Variants in MYO1A observed in about 807,000 individuals in gnomAD.
MYO1A encodes the protein myosin IA.
A neutral mutation model predicts 138.5 loss-of-function variants in MYO1A; 127 were observed. The observed-to-expected ratio is 0.92, with a 90% CI of 0.79 to 1.06. The LOEUF (loss-of-function observed/expected upper bound fraction) is 1.06. Among genes scored for constraint, MYO1A ranks in the 50% least tolerant of loss-of-function variants. The probability of loss-of-function intolerance (pLI) is 0.00; values close to 1 mark genes in which losing one functional copy is unlikely to be tolerated. For missense variants in MYO1A, 1,211 were observed against 1,288.8 expected (o/e 0.94, Z 0.92); for synonymous variants, 477 against 497.5 (o/e 0.96, Z 0.55).
At chr12:57,036,609 C>T (rs752616466) in intron 21 of MYO1A, among the ~76,000 whole-genome samples, 163 bp downstream of exon 21, 19 of 152,110 alleles carry the variant, frequency 1.2e-4, no homozygotes, top group Non-Finnish European at 2.2e-4. Context: ...ACAGGTCTCC[C>T]CTACAGGCCT....
chr12:57,037,892 C>T lies in MYO1A; in HGVS notation c.1938G>A (p.Trp646Ter), dbSNP rs538062645. The T allele has an allele frequency of 1.9e-6, 3 of 1,614,186 alleles. No homozygotes were observed. The Admixed American group carries it at 5.0e-5, about 27-fold the overall frequency. The change falls in exon 18 of 28, where the codon TGG (tryptophan) becomes TGA (stop). Residue 646 changes from tryptophan (W) to a stop codon, truncating the protein, a stop_gained. Coordinates refer to ENST00000300119, the MANE Select transcript of MYO1A (RefSeq NM_005379.4). LOFTEE classifies it high-confidence loss of function. ...ACCGGTCTCCCCCATTCCAGTGAGG[C>T]CAGGTGCTCCGGCTCAGCAATCGGT... ...ERYRLLSRSTWPHWNGGDREG... is the reference protein window; with the variant it reads ...ERYRLLSRST
chr12:57,037,843 T>A, intron 18 of MYO1A, 26 bp downstream of exon 18: 1 of 1,612,510 alleles, frequency 6.2e-7, no homozygotes. Flanking sequence ...CCTTTCCTGA[T>A]GCCCAGTCTC....
chr12:57,033,807 T>A (rs17119352), intron 22 of MYO1A, among the ~76,000 whole-genome samples: 13,771 of 152,268 alleles, frequency 0.09, 659 homozygotes, highest in East Asian at 0.18. Flanking sequence ...TTAAAAAATT[T>A]AAATAGAAAG....
At chr12:57,037,784 G>A in intron 18 of MYO1A, 85 bp downstream of exon 18, 6 of 1,512,850 alleles carry the variant, frequency 4.0e-6, no homozygotes, top group Non-Finnish European at 5.5e-6. Context: ...TTCAGCAGAT[G>A]TGCACTGCAC....
chr12:57,048,696 GTAAGCAAAGA>G (rs1320933675), intron 1 of MYO1A, among the ~76,000 whole-genome samples: 1 of 152,152 alleles, frequency 6.6e-6, no homozygotes, highest in Non-Finnish European at 1.5e-5. Flanking sequence ...GGAGGAAAGT[GTAAGCAAAGA>G]CTTGTGCTGC....
chr12:57,047,485 A>T, intron 4 of MYO1A, 78 bp from the exon 5 acceptor site: 1 of 1,509,748 alleles, frequency 6.6e-7, no homozygotes, highest in East Asian at 2.3e-5. Flanking sequence ...GCTTCACCCC[A>T]GTGCCTCACC....
chr12:57,043,010 G>A, intron 12 of MYO1A, 62 bp downstream of exon 12: 1 of 1,536,360 alleles, frequency 6.5e-7, no homozygotes, highest in Non-Finnish European at 9.0e-7. Flanking sequence ...ATATAGGGCT[G>A]GTGACAGGGC....
In MYO1A at chr12:57,039,202, G is replaced by T; in HGVS notation, c.1332+10C>A. The T allele has an allele frequency of 1.2e-6, 2 of 1,613,276 alleles. No homozygotes were observed. Among genetic ancestry groups the T allele is most frequent in the South Asian group, 2.2e-5 (2 of 91,048 alleles). ...GGGGAAGTCCCACAGATAAGAGAAT[G>T]ACAACTCACATGCTCAATGAGCTTA... On this transcript the variant is annotated intron_variant, in intron 15 of 27. Coordinates refer to ENST00000300119, the MANE Select transcript of MYO1A (RefSeq NM_005379.4).
intron 14 of MYO1A, 65 bp from the exon 15 acceptor site, chr12:57,039,339 G>A: frequency 8.0e-7 from 1 of 1,257,004 alleles, no homozygotes; most frequent in Non-Finnish European, 1.2e-6. Context: ...GACCTCACCA[G>A]ATCTAGCCTT....
At chr12:57,046,461 C>T (rs2031091978) in intron 8 of MYO1A, 91 bp downstream of exon 8, 2 of 982,330 alleles carry the variant, frequency 2.0e-6, no homozygotes, top group African/African-American at 1.6e-5. Flanking sequence ...CTGTAGGGGC[C>T]CAGAGGGAAC....
upstream of MYO1A, chr12:57,051,123 T>C (rs999076958): frequency 8.5e-5 from 13 of 152,158 alleles, no homozygotes; most frequent in African/African-American, 3.1e-4. Context: ...AAGAACAAAT[T>C]AGGTAATTAT....
chr12:57,046,421 G>A (rs970063104), intron 8 of MYO1A, 131 bp downstream of exon 8: 8 of 755,048 alleles, frequency 1.1e-5, no homozygotes, highest in Non-Finnish European at 1.9e-5. Context: ...AATGCAGCAA[G>A]GAAAATCTGG....
At position 57,047,349 on chromosome 12, in the gene MYO1A, C is replaced by T. The variant is rs1419372530; in HGVS notation, c.384G>A (p.Val128=). Reference sequence around the variant, plus strand: ...GTAGCAGCTGCTCCTTCACAGAGTTCACCTGCTCTCCTTTCCCACAGACGG... The same window carrying T: ...GTAGCAGCTGCTCCTTCACAGAGTTTACCTGCTCTCCTTTCCCACAGACGG... ...VAAVCGKGEQ[V]NSVKEQLLQS... is the part of the protein sequence containing the mutation. Residue 128 remains valine (V), a synonymous_variant, in exon 5 of 28, where the codon GTG becomes GTA. Coordinates refer to ENST00000300119, the MANE Select transcript of MYO1A (RefSeq NM_005379.4). 1 of 1,614,176 alleles carries T rather than the reference C, an allele frequency of 6.2e-7. No homozygotes were observed. Among genetic ancestry groups the T allele is most frequent in the Admixed American group, 1.7e-5 (1 of 60,024 alleles).
intron 1 of MYO1A, among the ~76,000 whole-genome samples, chr12:57,048,826 T>G (rs992312406): frequency 2.6e-5 from 4 of 152,166 alleles, no homozygotes; most frequent in Non-Finnish European, 5.9e-5. Context: ...ACAGCCCCTA[T>G]TAAAGACACC....
chr12:57,038,366 G>T, intron 17 of MYO1A, 46 bp downstream of exon 17: 1 of 1,590,202 alleles, frequency 6.3e-7, no homozygotes, highest in Non-Finnish European at 8.6e-7. Context: ...GACCCTGCAC[G>T]TGCCATCACA....
At position 57,028,747 on chromosome 12, in the gene MYO1A, C is replaced by G. The variant is rs775638170; in HGVS notation, c.*8G>C. On this transcript the variant is annotated 3_prime_UTR_variant, in exon 28 of 28. Coordinates refer to ENST00000300119, the MANE Select transcript of MYO1A (RefSeq NM_005379.4). The stretch of plus-strand genomic sequence containing the variant: ...AAGCAACTGCCATCTCTGCATGGTG[C>G]CCCCTCCTCACTGCACAGTCACCTC... 6.2e-7 allele frequency: 1 copy of G among 1,613,674 alleles called. No individual in the cohort carries two copies.
chr12:57,045,482 C>T (rs1350430592), intron 8 of MYO1A, among the ~76,000 whole-genome samples: 2 of 152,064 alleles, frequency 1.3e-5, no homozygotes, highest in African/African-American at 4.8e-5. Context: ...TTGATTTAAA[C>T]CAATAGATGA....
intron 8 of MYO1A, among the ~76,000 whole-genome samples, chr12:57,045,016 G>T (rs1405901372): frequency 6.6e-6 from 1 of 152,168 alleles, no homozygotes; most frequent in Non-Finnish European, 1.5e-5. Context: ...CTTCTGAAAA[G>T]TTTTCTCTGA....
chr12:57,047,463 C>A lies in MYO1A; in HGVS notation c.326-56G>T, dbSNP rs150047736. ...CACCCAGGACTAGCCCATCCCCCCA[C>A]CTCCTTAACTTGCTTCACCCCAGTG... On this transcript the variant is annotated intron_variant, in intron 4 of 27. Coordinates refer to ENST00000300119, the MANE Select transcript of MYO1A (RefSeq NM_005379.4). 55 of 1,565,340 alleles carry A rather than the reference C, an allele frequency of 3.5e-5. No individual in the cohort carries two copies. The African/African-American group carries it at 5.8e-4, about 17-fold the overall frequency.
Sources: gnomAD v4.1 joint callset for allele counts (sites outside exome capture counted in the v4.1 genomes callset) on GRCh38, gnomAD v4.1.1 for gene constraint, MANE v1.5 for transcripts, NCBI Gene and HGNC (gene_info 2026-07-23, HGNC 2026-07-21) for gene names.